ABCC12: variants seen among roughly 807,000 people sequenced by gnomAD.
ABCC12 encodes the protein ATP binding cassette subfamily C member 12, also known as ATP-binding cassette sub-family C member 12.
A neutral mutation model predicts 151.1 loss-of-function variants in ABCC12; 142 were observed. That is an observed-to-expected ratio of 0.94 (90% CI 0.82 to 1.08). The LOEUF (loss-of-function observed/expected upper bound fraction) is 1.08, where lower values mean the gene tolerates loss of function less well. ABCC12 is among the 50% of genes least tolerant of loss of function. ABCC12 has a pLI of 0.00. For synonymous variants in ABCC12, 645 were observed against 646.4 expected (o/e 1.00, Z 0.03); for missense variants, 1,638 against 1,691.1 (o/e 0.97, Z 0.55).
intron 10 of ABCC12, among the ~76,000 whole-genome samples, chr16:48,129,384 A>G (rs753585047): frequency 2.6e-5 from 4 of 152,208 alleles, no homozygotes; most frequent in Non-Finnish European, 5.9e-5. Context: ...CAGGTGTTGT[A>G]CAGGCAGAGA....
chr16:48,117,417 T>C, intron 13 of ABCC12, 84 bp from the exon 14 acceptor site: 1 of 1,477,208 alleles, frequency 6.8e-7, no homozygotes, highest in Non-Finnish European at 9.3e-7. Context: ...GCGCTGCTGG[T>C]GTTGCTGGGG....
intron 15 of ABCC12, among the ~76,000 whole-genome samples, chr16:48,113,612 C>T (rs1407213331): frequency 1.3e-5 from 2 of 152,170 alleles, no homozygotes; most frequent in East Asian, 3.9e-4. Context: ...AGCCCCGGGC[C>T]GCAGTTCTGG....
At chr16:48,120,607 G>C (rs1567452358) in intron 13 of ABCC12, among the ~76,000 whole-genome samples, 1 of 150,900 alleles carries the variant, frequency 6.6e-6, no homozygotes, top group Non-Finnish European at 1.5e-5. Flanking sequence ...CCAGGCTGGA[G>C]TGCAGTGGCA....
chr16:48,089,239 G>A (rs1211191499), intron 25 of ABCC12, among the ~76,000 whole-genome samples: 1 of 152,196 alleles, frequency 6.6e-6, no homozygotes, highest in Admixed American at 6.5e-5. Flanking sequence ...ATACACAAGG[G>A]GAAGCTCATA....
At position 48,115,307 on chromosome 16, in the gene ABCC12, A is replaced by G. The variant is rs1963836941; in HGVS notation, c.1989+108T>C. The G allele has an allele frequency of 2.3e-6, 3 of 1,306,024 alleles. No individual in the cohort carries two copies. In the South Asian group the frequency reaches 4.2e-5, roughly 18 times the overall value. 80.9% of individuals were successfully genotyped at this position (1,306,024 alleles called of 1,614,324 possible). ...CTTGCATCCCTGGCTCCCTCCCCAC[A>G]TTCCCAGCTGAAGACAGGCAGATAT... On this transcript the variant is annotated intron_variant, in intron 15 of 30. Transcript: ENST00000311303.
intron 9 of ABCC12, among the ~76,000 whole-genome samples, chr16:48,131,651 A>G (rs1374108938): frequency 2.6e-5 from 4 of 152,044 alleles, no homozygotes; most frequent in Non-Finnish European, 5.9e-5. Context: ...CTCCAATTTC[A>G]TCTTCTCATC....
chr16:48,097,629 A>T (rs1253064023), intron 23 of ABCC12, among the ~76,000 whole-genome samples: 1 of 152,116 alleles, frequency 6.6e-6, no homozygotes. Context: ...CGCATTCCCC[A>T]GATGTATGCA....
At chr16:48,136,075 G>A (rs568991639) in intron 8 of ABCC12, among the ~76,000 whole-genome samples, 1 of 152,148 alleles carries the variant, frequency 6.6e-6, no homozygotes, top group African/African-American at 2.4e-5. Flanking sequence ...TTTGACAGGA[G>A]AGCAAACTGT....
rs138712932 is a variant in ABCC12, at chr16:48,133,719, T to C, written c.1096A>G (p.Ile366Val). Residue 366 changes from isoleucine to valine, a missense_variant, in exon 9 of 31, where the codon ATC becomes GTC. Transcript: ENST00000311303. ...IAIVLTLSCH[I>V]LLRRKLTAPV... ...GCGGTGAGTTTGCGTCTCAGGAGGATGTGGCAGGATAATGTCAGCACGATG... is the reference window on the plus strand; with the variant it reads ...GCGGTGAGTTTGCGTCTCAGGAGGACGTGGCAGGATAATGTCAGCACGATG... 5.0e-6 allele frequency: 8 copies of C among 1,613,936 alleles called. No homozygotes were observed. In the African/African-American group the frequency reaches 8.0e-5, roughly 16 times the overall value.
At chr16:48,137,857 T>C (rs968622218) in intron 8 of ABCC12, among the ~76,000 whole-genome samples, 1 of 152,240 alleles carries the variant, frequency 6.6e-6, no homozygotes, top group Non-Finnish European at 1.5e-5. Context: ...GAGGTCTGTG[T>C]AACCCTGGAT....
rs1171368452 is a variant in ABCC12 at position 48,083,122 on chromosome 16, C to T, written c.*593G>A. The stretch of plus-strand genomic sequence containing the variant: ...AGTGTCATTTATAGAGAAACTCCAG[C>T]ATTTTGTTTTCTTGGTTATTCTAAC... On this transcript the variant is annotated 3_prime_UTR_variant, in exon 31 of 31. Transcript: ENST00000311303. 6.6e-6 allele frequency: 1 copy of T among 152,194 alleles called. No homozygotes were observed. Among genetic ancestry groups the T allele is most frequent in the Non-Finnish European group, 1.5e-5 (1 of 68,042 alleles). The allele number at this position is 152,194 out of a possible 1,614,324, so 9.4% of individuals were successfully genotyped here.
intron 13 of ABCC12, among the ~76,000 whole-genome samples, chr16:48,119,558 T>A (rs866558622): frequency 1.2e-4 from 19 of 152,358 alleles, no homozygotes; most frequent in South Asian, 1.2e-3. Context: ...ACTCCTGCAC[T>A]GATCACCTTC....
intron 29 of ABCC12, among the ~76,000 whole-genome samples, chr16:48,084,471 G>A (rs1365453576): frequency 6.6e-6 from 1 of 152,228 alleles, no homozygotes; most frequent in Non-Finnish European, 1.5e-5. Flanking sequence ...CAAACTTAGA[G>A]ACTCAGTGTA....
Position 48,104,384 on chromosome 16 carries a change from G to T in ABCC12, c.2674-16C>A, listed in dbSNP as rs1366081315. Reference sequence around the variant, plus strand: ...TCTTTAAGATCTGTGGAGAATGGTAGAGAGTCAAACAGAGTCGAGATGCGT... The same window carrying T: ...TCTTTAAGATCTGTGGAGAATGGTATAGAGTCAAACAGAGTCGAGATGCGT... On this transcript the variant is annotated splice_polypyrimidine_tract_variant and intron_variant, in intron 21 of 30. Coordinates refer to ENST00000311303, the MANE Select transcript of ABCC12 (RefSeq NM_001393797.1). 6 of 1,611,664 alleles carry T rather than the reference G, an allele frequency of 3.7e-6. No homozygotes were observed. The African/African-American group carries it at 6.7e-5, about 18-fold the overall frequency.
rs1324552565 is a variant in ABCC12 at position 48,105,139 on chromosome 16, C to G, written c.2673G>C (p.Lys891Asn). Residue 891 changes from lysine (K) to asparagine (N), a missense_variant and splice_region_variant, in exon 21 of 31, where the codon AAG (lysine) becomes AAC (asparagine). Lys to Asn is a moderately conservative substitution (Grantham distance 94). Transcript: ENST00000311303. Reference protein sequence around the residue: ...SSSLHDTVFDKILKSPMSFFD... With the variant: ...SSSLHDTVFDNILKSPMSFFD... ...ACACCTGCAATGCTTGTGGCCCTAC[C>G]TTATCAAACACCGTGTCATGCAGAG... 3 of 1,614,130 alleles carry G rather than the reference C, an allele frequency of 1.9e-6. No individual in the cohort carries two copies. The South Asian group carries it at 3.3e-5, about 18-fold the overall frequency.
chr16:48,125,331 G>A (rs1380266298), intron 11 of ABCC12, among the ~76,000 whole-genome samples: 1 of 152,194 alleles, frequency 6.6e-6, no homozygotes, highest in African/African-American at 2.4e-5. Context: ...AGAGGAGGTG[G>A]GGTATTGATG....
chr16:48,114,807 C>T (rs1440184003), intron 15 of ABCC12, among the ~76,000 whole-genome samples: 2 of 152,164 alleles, frequency 1.3e-5, no homozygotes, highest in Non-Finnish European at 2.9e-5. Context: ...TCCCACTCTG[C>T]CAAATTCTTA....
Position 48,113,012 on chromosome 16 carries a change from A to C in ABCC12, c.1990-1102T>G, listed in dbSNP as rs778108059. On this transcript the variant is annotated intron_variant, in intron 15 of 30. Coordinates refer to ENST00000311303, the MANE Select transcript of ABCC12 (RefSeq NM_001393797.1). ...ACACAGAGCTCTCCCCCCAGGATCAAGGAAGCTCCCTCCTAGAGGTGGGCA... is the reference window on the plus strand; with the variant it reads ...ACACAGAGCTCTCCCCCCAGGATCACGGAAGCTCCCTCCTAGAGGTGGGCA... 1.6e-3 allele frequency among the ~76,000 whole-genome samples: 244 copies of C among 152,276 alleles called. 1 individual carries two copies. Among genetic ancestry groups the C allele is most frequent in the Non-Finnish European group, 2.3e-3 (158 of 68,020 alleles).
intron 28 of ABCC12, chr16:48,086,083 G>T: frequency 4.8e-6 from 1 of 207,492 alleles, no homozygotes; most frequent in Non-Finnish European, 9.8e-6. Context: ...GGGTAAGACA[G>T]GGTCTGACTT....
Sources: gnomAD v4.1 joint callset for allele counts (sites outside exome capture counted in the v4.1 genomes callset) on GRCh38, gnomAD v4.1.1 for gene constraint, MANE v1.5 for transcripts, NCBI Gene and HGNC (gene_info 2026-07-23, HGNC 2026-07-21) for gene names.